GRID2: variants seen among roughly 807,000 people sequenced by gnomAD.
GRID2 encodes glutamate ionotropic receptor delta type subunit 2.
GRID2 carries 33 observed loss-of-function variants against 114.8 expected under a neutral mutation model. The ratio of observed to expected loss-of-function variants is 0.29; its 90% CI spans 0.22 to 0.38. The LOEUF is 0.38. Ranked by LOEUF, GRID2 falls within the 10% of genes least tolerant of loss-of-function variation. GRID2 has a pLI of 1.00. For missense variants in GRID2, 1,184 were observed against 1,257.7 expected, an observed-to-expected ratio of 0.94 and a Z score of 0.89; for synonymous variants, 505 against 449.9, an observed-to-expected ratio of 1.12 and a Z score of -1.55.
chr4:93,179,472 T>C (rs955413318), intron 4 of GRID2, among the ~76,000 whole-genome samples: 3 of 152,166 alleles, frequency 2.0e-5, no homozygotes, highest in African/African-American at 7.2e-5. Context: ...ATTATTCGCA[T>C]GATGTGGGAT....
intron 1 of GRID2, among the ~76,000 whole-genome samples, chr4:92,432,619 C>T (rs1461159906): frequency 6.6e-6 from 1 of 152,086 alleles, no homozygotes; most frequent in African/African-American, 2.4e-5. Flanking sequence ...ACTGTCAGGC[C>T]TGAGTCTCTC....
At chr4:92,745,182 T>C (rs374430376) in intron 2 of GRID2, among the ~76,000 whole-genome samples, 41 of 152,330 alleles carry the variant, frequency 2.7e-4, no homozygotes, top group African/African-American at 8.4e-4. Context: ...AAATTACTTA[T>C]GATCATTGTT....
chr4:92,613,611 G>A (rs1004264266), intron 2 of GRID2, among the ~76,000 whole-genome samples: 6 of 151,326 alleles, frequency 4.0e-5, no homozygotes, highest in Non-Finnish European at 7.4e-5. Flanking sequence ...TTTTCTCATC[G>A]CTGAGTGAGT....
intron 13 of GRID2, among the ~76,000 whole-genome samples, chr4:93,599,360 C>T (rs78036889): frequency 3.1e-3 from 478 of 152,236 alleles, no homozygotes; most frequent in African/African-American, 0.011. Context: ...AGAGTAAGAC[C>T]AGCCTCTTCA....
intron 2 of GRID2, among the ~76,000 whole-genome samples, chr4:92,961,268 CTCTT>C (rs1449696660): frequency 1.3e-5 from 2 of 151,574 alleles, no homozygotes; most frequent in African/African-American, 2.4e-5. Context: ...TTTTCTGATG[CTCTT>C]TCTTTATGTT....
At chr4:92,969,077 T>C (rs1305747564) in intron 2 of GRID2, among the ~76,000 whole-genome samples, 1 of 151,736 alleles carries the variant, frequency 6.6e-6, no homozygotes, top group Non-Finnish European at 1.5e-5. Context: ...GCATAGGTTA[T>C]GATCAAGTCA....
intron 1 of GRID2, among the ~76,000 whole-genome samples, chr4:92,458,031 T>C (rs746663968): frequency 2.6e-5 from 4 of 152,214 alleles, no homozygotes; most frequent in Non-Finnish European, 5.9e-5. Context: ...AGTCATGAAT[T>C]GTGCATTTAG....
rs527998928 is a variant in GRID2 at position 93,335,344 on chromosome 4, C to T, written c.1246-60263C>T. ...GTCTTTTCTGAGTTCTTTATACTTC[C>T]GGTGTGCGGTGGGAAGAAAGAGTTA... On this transcript the variant is annotated intron_variant, in intron 8 of 15. Coordinates refer to ENST00000282020, the MANE Select transcript of GRID2 (RefSeq NM_001510.4). 1.4e-4 allele frequency among the ~76,000 whole-genome samples: 22 copies of T among 152,178 alleles called. No homozygotes were observed. In the South Asian group the frequency reaches 3.3e-3, roughly 23 times the overall value.
intron 14 of GRID2, among the ~76,000 whole-genome samples, chr4:93,700,456 T>A (rs890173417): frequency 6.6e-6 from 1 of 152,156 alleles, no homozygotes; most frequent in Non-Finnish European, 1.5e-5. Flanking sequence ...GAGAGATAGC[T>A]ATTATAATTT....
chr4:93,434,772 A>G (rs1308046591), intron 10 of GRID2, among the ~76,000 whole-genome samples: 1 of 152,140 alleles, frequency 6.6e-6, no homozygotes, highest in East Asian at 1.9e-4. Flanking sequence ...TCCCACTCAG[A>G]GTAAAAACTG....
chr4:92,736,984 C>T (rs1248442680), intron 2 of GRID2, among the ~76,000 whole-genome samples: 4 of 151,978 alleles, frequency 2.6e-5, no homozygotes, highest in Non-Finnish European at 5.9e-5. Flanking sequence ...TCCAGACAGA[C>T]ATAGAACAAT....
intron 8 of GRID2, among the ~76,000 whole-genome samples, chr4:93,308,071 T>C (rs1276920775): frequency 6.6e-6 from 1 of 152,148 alleles, no homozygotes; most frequent in Non-Finnish European, 1.5e-5. Context: ...AGGCAAAATC[T>C]TCCTAAATTT....
chr4:93,413,405 A>G (rs761399122), intron 9 of GRID2, among the ~76,000 whole-genome samples: 1 of 152,166 alleles, frequency 6.6e-6, no homozygotes, highest in Non-Finnish European at 1.5e-5. Flanking sequence ...TCTTTATAGA[A>G]GTGTCTGTTC....
chr4:93,714,543 T>G (rs527393801), intron 14 of GRID2, among the ~76,000 whole-genome samples: 1 of 152,126 alleles, frequency 6.6e-6, no homozygotes, highest in Non-Finnish European at 1.5e-5. Context: ...TTGAACTAAT[T>G]TACACTCCCA....
intron 12 of GRID2, among the ~76,000 whole-genome samples, chr4:93,504,582 C>G (rs1018399738): frequency 1.3e-5 from 2 of 151,828 alleles, no homozygotes; most frequent in Non-Finnish European, 2.9e-5. Flanking sequence ...GATAATCACT[C>G]AGAGATGGAA....
At chr4:93,633,611 T>G (rs1108563) in intron 14 of GRID2, among the ~76,000 whole-genome samples, 18,297 of 152,110 alleles carry the variant, frequency 0.12, 1,146 homozygotes, top group Middle Eastern at 0.14. Context: ...TTTGCTTGCT[T>G]GATAATTTCT....
intron 8 of GRID2, among the ~76,000 whole-genome samples, chr4:93,315,359 A>G (rs1198818442): frequency 1.3e-5 from 2 of 152,180 alleles, no homozygotes. Context: ...AACACATTTT[A>G]TAATGGAAAG....
chr4:92,345,446 A>C (rs578253837), intron 1 of GRID2, among the ~76,000 whole-genome samples: 1 of 152,254 alleles, frequency 6.6e-6, no homozygotes, highest in Non-Finnish European at 1.5e-5. Context: ...TCATATAGTG[A>C]CTTCTTTTCC....
intron 2 of GRID2, among the ~76,000 whole-genome samples, chr4:92,927,307 C>T (rs772085633): frequency 6.6e-6 from 1 of 151,818 alleles, no homozygotes; most frequent in Non-Finnish European, 1.5e-5. Context: ...TTTTATCTTA[C>T]TTGCTATAAT....
Sources: gnomAD v4.1 joint callset for allele counts (sites outside exome capture counted in the v4.1 genomes callset) on GRCh38, gnomAD v4.1.1 for gene constraint, MANE v1.5 for transcripts, NCBI Gene and HGNC (gene_info 2026-07-23, HGNC 2026-07-21) for gene names.